DSE: variants seen among roughly 807,000 people sequenced by gnomAD.
The protein encoded by DSE is dermatan sulfate epimerase.
DSE carries 36 observed loss-of-function variants against 84.4 expected under a neutral mutation model. The observed-to-expected ratio is 0.43, with a 90% confidence interval of 0.33 to 0.56. The LOEUF (loss-of-function observed/expected upper bound fraction) is 0.56, where lower values mean the gene tolerates loss of function less well. Among genes scored for constraint, DSE ranks in the 20% least tolerant of loss-of-function variants. DSE has a pLI of 0.06. For missense variants in DSE, 862 were observed against 1,169.6 expected (o/e 0.74, Z 3.84); for synonymous variants, 410 against 430.1 (o/e 0.95, Z 0.58).
At chr6:116,363,344 T>G (rs1779005676) in intron 2 of DSE, among the ~76,000 whole-genome samples, 1 of 150,754 alleles carries the variant, frequency 6.6e-6, no homozygotes, top group Non-Finnish European at 1.5e-5. Context: ...AGTGAGATTT[T>G]AAAATATACA....
intron 2 of DSE, among the ~76,000 whole-genome samples, chr6:116,295,958 A>G (rs183006941): frequency 4.6e-5 from 7 of 152,350 alleles, no homozygotes; most frequent in Admixed American, 1.3e-4. Context: ...TATTTACAAT[A>G]TGAAAGACAG....
chr6:116,386,514 G>A (rs894532944), intron 1 of DSE, among the ~76,000 whole-genome samples: 3 of 152,252 alleles, frequency 2.0e-5, no homozygotes, highest in Non-Finnish European at 2.9e-5. Context: ...CACTCCTACT[G>A]AAGTTGTACT....
intron 2 of DSE, among the ~76,000 whole-genome samples, chr6:116,403,388 C>T (rs1781720693): frequency 6.6e-6 from 1 of 150,896 alleles, no homozygotes; most frequent in South Asian, 2.1e-4. Context: ...AAGATATCAG[C>T]AATAATAATT....
In DSE at chr6:116,276,075, T is replaced by A. The variant is rs552551823; in HGVS notation, c.-54+17108T>A. Among the ~76,000 whole-genome samples, 14 of 152,346 alleles carry A rather than the reference T, an allele frequency of 9.2e-5. No homozygotes were observed. In the South Asian group the frequency reaches 1.7e-3, roughly 18 times the overall value. On this transcript the variant is annotated intron_variant, in intron 2 of 3. Transcript: ENST00000430252. ...GTAATGAATAATTATGTTAATTTTC[T>A]AGAACAGAGGTCCCTCCAAAGTACA...
rs180856293 is a variant in DSE, at chr6:116,433,856, T to C, written c.1118+306T>C. Among the ~76,000 whole-genome samples, 9 of 152,338 alleles carry C rather than the reference T, an allele frequency of 5.9e-5. No individual in the cohort carries two copies. In the East Asian group the frequency reaches 1.7e-3, roughly 29 times the overall value. ...CATTTCTTTATGTTTAACATCTAAT[T>C]ACTGTTTTCAGTTTTTGGTTCTCAT... On this transcript the variant is annotated intron_variant, in intron 5 of 5. Transcript: ENST00000644252.
chr6:116,324,989 A>G lies in DSE; in HGVS notation c.-54+66022A>G, dbSNP rs560699532. Among the ~76,000 whole-genome samples the G allele has an allele frequency of 3.3e-5, 5 of 152,310 alleles. No individual in the cohort carries two copies. In the South Asian group the frequency reaches 1.0e-3, roughly 32 times the overall value. On this transcript the variant is annotated intron_variant, in intron 2 of 3. Coordinates refer to the DSE transcript ENST00000430252. ...TTTGCATAACAGTTGGAGATTAGCT[A>G]GGGACACATACCACCCACTCTGGGG... is the stretch of plus-strand genomic sequence containing the variant.
intron 2 of DSE, among the ~76,000 whole-genome samples, chr6:116,264,735 T>G (rs1460173267): frequency 6.6e-6 from 1 of 152,178 alleles, no homozygotes; most frequent in African/African-American, 2.4e-5. Context: ...GTTGCTGACC[T>G]TTGGATGGTT....
rs561088175 is a variant in DSE at position 116,334,741 on chromosome 6, A to G, written c.-53-64457A>G. 2.0e-5 allele frequency among the ~76,000 whole-genome samples: 3 copies of G among 152,342 alleles called. No homozygotes were observed. In the South Asian group the frequency reaches 6.2e-4, roughly 32 times the overall value. ...GAAACCATTAAAAAGTTGGCAAAGG[A>G]TATGAACAGACTTTTCAAAAGACAT... On this transcript the variant is annotated intron_variant, in intron 2 of 3. Coordinates refer to the DSE transcript ENST00000430252.
chr6:116,332,015 C>A (rs1776972606), intron 2 of DSE, among the ~76,000 whole-genome samples: 1 of 152,076 alleles, frequency 6.6e-6, no homozygotes, highest in East Asian at 1.9e-4. Context: ...TAAAAAAACT[C>A]AAAGACTCTA....
intron 5 of DSE, 37 bp from the exon 6 acceptor site, chr6:116,435,550 A>G (rs899473668): frequency 6.5e-7 from 1 of 1,534,672 alleles, no homozygotes; most frequent in South Asian, 1.3e-5. Context: ...TTTCACTGCC[A>G]TCAGAAAACC....
intron 2 of DSE, among the ~76,000 whole-genome samples, chr6:116,317,865 G>A (rs1216265637): frequency 1.3e-5 from 2 of 152,150 alleles, no homozygotes; most frequent in African/African-American, 2.4e-5. Flanking sequence ...TTCACTCAAA[G>A]CTCAGAGGTG....
chr6:116,433,563 G>A lies in DSE; in HGVS notation c.1118+13G>A, dbSNP rs1783973407. On this transcript the variant is annotated intron_variant, in intron 5 of 5. Coordinates refer to ENST00000644252, the MANE Select transcript of DSE (RefSeq NM_013352.4). ...CAGAATTTCTCTGGTATGACACATTGGGCTAGCTTTAAAGAGAAATGGTAC... is the reference window on the plus strand; with the variant it reads ...CAGAATTTCTCTGGTATGACACATTAGGCTAGCTTTAAAGAGAAATGGTAC... The A allele has an allele frequency of 7.6e-6, 12 of 1,586,668 alleles. No homozygotes were observed. Among genetic ancestry groups the A allele is most frequent in the Non-Finnish European group, 1.0e-5 (12 of 1,164,902 alleles).
At chr6:116,348,440 A>G (rs1323837903) in intron 2 of DSE, among the ~76,000 whole-genome samples, 1 of 151,776 alleles carries the variant, frequency 6.6e-6, no homozygotes, top group Admixed American at 6.6e-5. Context: ...AAAAACAAAA[A>G]AAAACAAAAA....
At chr6:116,407,967 C>T (rs1404177997) in intron 2 of DSE, among the ~76,000 whole-genome samples, 1 of 152,232 alleles carries the variant, frequency 6.6e-6, no homozygotes, top group African/African-American at 2.4e-5. Flanking sequence ...GTTTGCAGAT[C>T]AGCCCTGAGC....
Position 116,273,458 on chromosome 6 carries a change from G to C in DSE, c.-54+14491G>C, listed in dbSNP as rs559592804. Among the ~76,000 whole-genome samples, 39 of 152,258 alleles carry C rather than the reference G, an allele frequency of 2.6e-4. No homozygotes were observed. The South Asian group carries it at 7.5e-3, about 29-fold the overall frequency. On this transcript the variant is annotated intron_variant, in intron 2 of 3. Transcript: ENST00000430252. ...AAGCACTTAACATGGAGAAAGTACT[G>C]CTTCCAAGTAAAACACCTCCCATAA...
intron 1 of DSE, among the ~76,000 whole-genome samples, chr6:116,374,046 T>G (rs1020487165): frequency 1.3e-5 from 2 of 152,248 alleles, no homozygotes; most frequent in African/African-American, 2.4e-5. Flanking sequence ...GGTTGTAGCA[T>G]ATATTAAATA....
chr6:116,290,690 A>C (rs1358372925), intron 2 of DSE, among the ~76,000 whole-genome samples: 1 of 152,154 alleles, frequency 6.6e-6, no homozygotes, highest in Non-Finnish European at 1.5e-5. Flanking sequence ...ATAATTCCTT[A>C]AAACTCATCC....
At chr6:116,279,950 C>A (rs549453965) in intron 2 of DSE, 85 of 1,437,778 alleles carry the variant, frequency 5.9e-5, no homozygotes, top group South Asian at 1.4e-4. Context: ...GCGGCGGTGT[C>A]GTCAGGACTG....
chr6:116,437,060 T>C lies in DSE; in HGVS notation c.2592T>C (p.Asp864=). The change falls in exon 6 of 6, where the codon GAT becomes GAC. Residue 864 remains aspartate, a synonymous_variant. Coordinates refer to ENST00000644252, the MANE Select transcript of DSE (RefSeq NM_013352.4). ...EEMKDLLDFA[D]VTYEKHKNGG... is the part of the protein sequence containing the mutation. ...TGAAAGACCTTTTAGATTTTGCAGA[T>C]GTAACATACGAGAAACATAAAAATG... 1 of 1,614,084 alleles carries C rather than the reference T, an allele frequency of 6.2e-7. No individual in the cohort carries two copies. Among genetic ancestry groups the C allele is most frequent in the Non-Finnish European group, 8.5e-7 (1 of 1,180,012 alleles).
Sources: gnomAD v4.1 joint callset for allele counts (sites outside exome capture counted in the v4.1 genomes callset) on GRCh38, gnomAD v4.1.1 for gene constraint, MANE v1.5 for transcripts, NCBI Gene and HGNC (gene_info 2026-07-23, HGNC 2026-07-21) for gene names.